PRKCB: variants seen among roughly 807,000 people sequenced by gnomAD.
PRKCB encodes the protein protein kinase C beta.
In PRKCB, 13 loss-of-function variants were observed where a neutral mutation model predicts 81.5. The observed-to-expected ratio is 0.16, with a 90% CI of 0.10 to 0.25. PRKCB has a LOEUF of 0.25. PRKCB is among the 10% of genes least tolerant of loss of function. The probability of loss-of-function intolerance (pLI) is 1.00; values close to 1 mark genes in which losing one functional copy is unlikely to be tolerated. For missense variants in PRKCB, 509 were observed against 875.7 expected, an observed-to-expected ratio of 0.58 and a Z score of 5.29; for synonymous variants, 335 against 321.4, an observed-to-expected ratio of 1.04 and a Z score of -0.45.
chr16:23,933,759 AT>A lies in PRKCB; in HGVS notation c.206-54748del, dbSNP rs1453409749. ...CATCCATTCGTCCATCCATCTATCC[AT>A]CTATCCACTCCATCCATCCATCCAT... On this transcript the variant is annotated intron_variant, in intron 2 of 16. Transcript: ENST00000643927. 6.1e-5 allele frequency among the ~76,000 whole-genome samples: 8 copies of A among 131,504 alleles called. No homozygotes were observed. In the South Asian group the frequency reaches 1.3e-3, roughly 21 times the overall value. The allele number at this position is 131,504 out of a possible 152,430, so 86.3% of individuals were successfully genotyped here.
rs533402605 is a variant in PRKCB, at chr16:23,959,864, C to T, written c.206-28644C>T. On this transcript the variant is annotated intron_variant, in intron 2 of 16. Transcript: ENST00000643927. Reference sequence around the variant, plus strand: ...CTTCAAGGTAGTTCTAGGCGATGTCCCCCCACTTTGCAGATGGGGACACTG... The same window carrying T: ...CTTCAAGGTAGTTCTAGGCGATGTCTCCCCACTTTGCAGATGGGGACACTG... Among the ~76,000 whole-genome samples the T allele has an allele frequency of 2.7e-4, 41 of 152,240 alleles. 1 individual carries two copies. The highest frequency in any genetic ancestry group is 9.6e-4 in the African/African-American group (40 of 41,560).
intron 2 of PRKCB, among the ~76,000 whole-genome samples, chr16:23,965,607 A>C (rs1964477137): frequency 6.6e-6 from 1 of 152,246 alleles, no homozygotes; most frequent in African/African-American, 2.4e-5. Context: ...CGCATTGTAG[A>C]GATGAGGAGA....
chr16:24,109,004 G>A (rs1423691189), intron 7 of PRKCB, among the ~76,000 whole-genome samples: 1 of 135,710 alleles, frequency 7.4e-6, no homozygotes, highest in African/African-American at 3.1e-5. Flanking sequence ...CCTCCCTCCC[G>A]GACGGGGCGG....
chr16:23,836,292 C>G lies in PRKCB; in HGVS notation c.117C>G (p.Phe39Leu). ...TGCATGAGGTCAAGAACCACAAATT[C>G]ACCGCCCGCTTCTTCAAGCAGCCCA... ...KNVHEVKNHK[F>L]TARFFKQPTF... is the part of the protein sequence containing the mutation. The change falls in exon 1 of 17, where the codon TTC (phenylalanine) becomes TTG (leucine). Residue 39 changes from phenylalanine (F) to leucine (L), a missense_variant. Transcript: ENST00000643927. The G allele has an allele frequency of 6.2e-7, 1 of 1,605,470 alleles. No homozygotes were observed. Among genetic ancestry groups the G allele is most frequent in the Non-Finnish European group, 8.5e-7 (1 of 1,176,262 alleles).
intron 16 of PRKCB, among the ~76,000 whole-genome samples, chr16:24,198,425 G>C (rs1021883679): frequency 9.8e-5 from 15 of 152,334 alleles, no homozygotes; most frequent in African/African-American, 3.1e-4. Context: ...AGACAACCCA[G>C]GTAGCAGCAT....
intron 15 of PRKCB, among the ~76,000 whole-genome samples, chr16:24,187,447 CA>C (rs2141977244): frequency 6.6e-6 from 1 of 152,268 alleles, no homozygotes; most frequent in African/African-American, 2.4e-5. Flanking sequence ...TACTGTAAAT[CA>C]CTTAGAATAG....
intron 9 of PRKCB, among the ~76,000 whole-genome samples, chr16:24,151,187 A>G (rs977247712): frequency 6.6e-6 from 1 of 152,186 alleles, no homozygotes; most frequent in Non-Finnish European, 1.5e-5. Context: ...TTTGATGACA[A>G]TATGCTCTCT....
intron 16 of PRKCB, among the ~76,000 whole-genome samples, chr16:24,211,338 G>A (rs1282176688): frequency 6.6e-6 from 1 of 152,104 alleles, no homozygotes; most frequent in African/African-American, 2.4e-5. Context: ...TAGAAAATGG[G>A]AACTAAATAA....
At chr16:24,173,779 G>A (rs1401756405) in intron 11 of PRKCB, among the ~76,000 whole-genome samples, 1 of 152,124 alleles carries the variant, frequency 6.6e-6, no homozygotes, top group Non-Finnish European at 1.5e-5. Context: ...TCTTATTCCA[G>A]CTGCGCCATT....
At chr16:23,943,874 C>T (rs1596482108) in intron 2 of PRKCB, among the ~76,000 whole-genome samples, 1 of 152,160 alleles carries the variant, frequency 6.6e-6, no homozygotes. Context: ...TCATTTTTTT[C>T]TCATAACAAC....
At chr16:24,165,888 T>C (rs979603272) in intron 10 of PRKCB, among the ~76,000 whole-genome samples, 6 of 131,942 alleles carry the variant, frequency 4.5e-5, no homozygotes, top group African/African-American at 1.7e-4. Flanking sequence ...TCTTTCTTTT[T>C]TTTTTTTTTT....
intron 2 of PRKCB, among the ~76,000 whole-genome samples, chr16:23,844,729 G>C (rs886472313): frequency 1.3e-5 from 2 of 150,162 alleles, no homozygotes; most frequent in Non-Finnish European, 3.0e-5. Flanking sequence ...GGATGGTATC[G>C]ATCTCCTGAC....
rs1373794010 is a variant in PRKCB at position 24,215,190 on chromosome 16, G to A, written c.*374G>A. ...AATCTGTGGATAATTGGATGTTAGCGGTACTCTTCCACTTCCGGGCCTGGA... is the reference window on the plus strand; with the variant it reads ...AATCTGTGGATAATTGGATGTTAGCAGTACTCTTCCACTTCCGGGCCTGGA... On this transcript the variant is annotated 3_prime_UTR_variant, in exon 17 of 17. Coordinates refer to ENST00000643927, the MANE Select transcript of PRKCB (RefSeq NM_002738.7). The A allele has an allele frequency of 3.9e-6, 4 of 1,019,404 alleles. No individual in the cohort carries two copies. The highest frequency in any genetic ancestry group is 4.7e-6 in the Non-Finnish European group (4 of 850,336). 63.1% of individuals were successfully genotyped at this position (1,019,404 alleles called of 1,614,324 possible). A position where few individuals can be genotyped will look rare whatever the true frequency, so the allele number is the denominator to read the frequency against.
intron 2 of PRKCB, among the ~76,000 whole-genome samples, chr16:23,857,752 G>A (rs111290149): frequency 2.0e-5 from 3 of 152,204 alleles, no homozygotes; most frequent in South Asian, 4.1e-4. Flanking sequence ...GCGCACGTGC[G>A]TCTGCAGTCC....
At chr16:23,948,585 G>A (rs1964235043) in intron 2 of PRKCB, among the ~76,000 whole-genome samples, 1 of 137,152 alleles carries the variant, frequency 7.3e-6, no homozygotes, top group South Asian at 2.8e-4. Context: ...TGTATTTTTA[G>A]TAGAGACTAA....
At chr16:24,092,396 T>G (rs1261656994) in intron 5 of PRKCB, among the ~76,000 whole-genome samples, 1 of 152,180 alleles carries the variant, frequency 6.6e-6, no homozygotes, top group African/African-American at 2.4e-5. Flanking sequence ...ATGTGGGATA[T>G]CTATACAATG....
chr16:23,999,475 A>G (rs7201380), intron 3 of PRKCB, among the ~76,000 whole-genome samples: 103,114 of 152,146 alleles, frequency 0.68, 36,017 homozygotes, highest in African/African-American at 0.85. Context: ...GAACCTAGCT[A>G]CTGAGCCAAC....
At chr16:24,098,952 A>G (rs1190838843) in intron 7 of PRKCB, 3 of 152,230 alleles carry the variant, frequency 2.0e-5, no homozygotes, top group Non-Finnish European at 4.4e-5. Context: ...CCTAACATGC[A>G]AATGACTTGA....
chr16:24,194,680 T>C (rs1227451334), intron 16 of PRKCB, among the ~76,000 whole-genome samples: 1 of 152,198 alleles, frequency 6.6e-6, no homozygotes, highest in African/African-American at 2.4e-5. Context: ...TTATCATTGA[T>C]AATATAAAAA....
Sources: gnomAD v4.1 joint callset for allele counts (sites outside exome capture counted in the v4.1 genomes callset) on GRCh38, gnomAD v4.1.1 for gene constraint, MANE v1.5 for transcripts, NCBI Gene and HGNC (gene_info 2026-07-23, HGNC 2026-07-21) for gene names.